The following PIEZO1 variants were observed in gnomAD, a reference collection of about 807,000 sequenced individuals.
PIEZO1 encodes piezo type mechanosensitive ion channel component 1 (Er blood group), also known as piezo-type mechanosensitive ion channel component 1.
PIEZO1 carries 296 observed loss-of-function variants against 297.2 expected under a neutral mutation model. The observed-to-expected ratio is 1.00, with a 90% CI of 0.91 to 1.10. The LOEUF (loss-of-function observed/expected upper bound fraction) is 1.10, where lower values mean the gene tolerates loss of function less well. Among genes scored for constraint, PIEZO1 ranks in the 50% least tolerant of loss-of-function variants. The pLI is 0.00. For missense variants in PIEZO1, 5,018 were observed against 3,455.5 expected (o/e 1.45, Z -11.34); for synonymous variants, 2,427 against 1,507.5 (o/e 1.61, Z -14.13).
rs899152364 is a variant in PIEZO1 at position 88,732,374 on chromosome 16, C to T, written c.2952G>A (p.Lys984=). ...QLDQDLLGCL[K]YFINFFFYKF... Reference sequence around the variant, plus strand: ...TGTAGAAGAAGAAGTTGATGAAGTACTTGAGGCAGCCGAGCAGATCCTGGT... The same window carrying T: ...TGTAGAAGAAGAAGTTGATGAAGTATTTGAGGCAGCCGAGCAGATCCTGGT... The change falls in exon 21 of 51, where the codon AAG becomes AAA. Residue 984 remains lysine (K), a synonymous_variant. Coordinates refer to ENST00000301015, the MANE Select transcript of PIEZO1 (RefSeq NM_001142864.4). 30 of 1,549,652 alleles carry T rather than the reference C, an allele frequency of 1.9e-5. No individual in the cohort carries two copies. The highest frequency in any genetic ancestry group is 9.6e-5 in the African/African-American group (7 of 73,026).
At chr16:88,775,263 G>C (rs1907605460) in intron 1 of PIEZO1, among the ~76,000 whole-genome samples, 1 of 152,244 alleles carries the variant, frequency 6.6e-6, no homozygotes, top group Admixed American at 6.5e-5. Flanking sequence ...ACAGGACACA[G>C]AGGATGCCGG....
At chr16:88,723,457 C>G (rs972322735) in intron 31 of PIEZO1, 129 bp from the exon 32 acceptor site, 140 of 1,082,606 alleles carry the variant, frequency 1.3e-4, no homozygotes, top group Non-Finnish European at 2.5e-5. Context: ...CTCCGTGTCC[C>G]TGAGCCCCTC....
Position 88,735,251 on chromosome 16 carries a change from G to A in PIEZO1, c.1558-5C>T. 1 of 1,543,958 alleles carries A rather than the reference G, an allele frequency of 6.5e-7. No homozygotes were observed. Among genetic ancestry groups the A allele is most frequent in the East Asian group, 2.4e-5 (1 of 40,876 alleles). ...GAAGGTCAGGGTGTAGAGCAACTGT[G>A]ACAAGCGCAGGGTGTCACAGTCAGC... On this transcript the variant is annotated splice_polypyrimidine_tract_variant and splice_region_variant and intron_variant, in intron 12 of 50. Transcript: ENST00000301015.
intron 1 of PIEZO1, among the ~76,000 whole-genome samples, chr16:88,755,325 G>T (rs917384769): frequency 6.6e-6 from 1 of 152,244 alleles, no homozygotes; most frequent in Non-Finnish European, 1.5e-5. Flanking sequence ...CTGGCTGGTT[G>T]ATGCATCATC....
intron 1 of PIEZO1, among the ~76,000 whole-genome samples, chr16:88,753,861 G>T (rs1446659246): frequency 6.6e-6 from 1 of 152,236 alleles, no homozygotes; most frequent in Non-Finnish European, 1.5e-5. Context: ...CTCAGGGCAG[G>T]TCGGAAGCTT....
At chr16:88,718,600 T>C (rs1160454107) in intron 44 of PIEZO1, 1 of 152,272 alleles carries the variant, frequency 6.6e-6, no homozygotes, top group Non-Finnish European at 1.5e-5. Context: ...TGAGCCTGTT[T>C]TCATGAAATA....
intron 1 of PIEZO1, among the ~76,000 whole-genome samples, chr16:88,774,174 G>T (rs531392607): frequency 6.6e-6 from 1 of 152,330 alleles, no homozygotes; most frequent in Non-Finnish European, 1.5e-5. Context: ...CTCTGCCTGG[G>T]CCCCCTTCCC....
rs370551429 is a variant in PIEZO1 at position 88,737,783 on chromosome 16, C to G, written c.1052G>C (p.Arg351Pro). 12 of 1,535,804 alleles carry G rather than the reference C, an allele frequency of 7.8e-6. No individual in the cohort carries two copies. The South Asian group carries it at 1.3e-4, about 17-fold the overall frequency. The change falls in exon 9 of 51, where the codon CGG becomes CCG. Residue 351 changes from arginine (R) to proline (P), a missense_variant. Arg to Pro is a moderately radical substitution (Grantham distance 103). Coordinates refer to ENST00000301015, the MANE Select transcript of PIEZO1 (RefSeq NM_001142864.4). ...RKEAAKGYEA[R>P]ELELAELDQW... ...GTCCAGCTCTGCTAGCTCCAGCTCC[C>G]GAGCCTCATACCCCTTTGCCGCCTC...
At chr16:88,731,566 G>A (rs1248183137) in intron 22 of PIEZO1, 140 bp downstream of exon 22, 1 of 644,720 alleles carries the variant, frequency 1.6e-6, no homozygotes, top group Admixed American at 2.8e-5. Context: ...TGGGTAGGAT[G>A]TGGAGCAGAG....
chr16:88,726,105 A>G (rs1467419598), intron 27 of PIEZO1, 179 bp downstream of exon 27: 1 of 609,422 alleles, frequency 1.6e-6, no homozygotes, highest in African/African-American at 1.8e-5. Flanking sequence ...GCACTGGGGC[A>G]GAGTGTGATG....
chr16:88,751,473 G>C (rs145641525), intron 1 of PIEZO1, among the ~76,000 whole-genome samples: 1 of 152,174 alleles, frequency 6.6e-6, no homozygotes, highest in African/African-American at 2.4e-5. Flanking sequence ...GGCTCAAGGC[G>C]GCCTCGGCTT....
In PIEZO1 at chr16:88,720,638, G is replaced by T. The variant is rs963285215; in HGVS notation, c.5779C>A (p.Leu1927Met). The T allele has an allele frequency of 3.9e-6, 6 of 1,546,246 alleles. No homozygotes were observed. The African/African-American group carries it at 5.5e-5, about 14-fold the overall frequency. ...CACAGGGACAGGCAGAAGCCCTGCA[G>T]CCGCCGCCCGGCCGCCCTTACTCTT... ...GGRVRAAGRR[L>M]QGFCLSLAQG... Residue 1927 changes from leucine to methionine, a missense_variant, in exon 40 of 51, where the codon CTG becomes ATG. Physicochemically the swap from Leu to Met is conservative, Grantham distance 15. Transcript: ENST00000301015.
At chr16:88,775,430 TA>T (rs1482322878) in intron 1 of PIEZO1, among the ~76,000 whole-genome samples, 3 of 152,144 alleles carry the variant, frequency 2.0e-5, no homozygotes, top group African/African-American at 7.2e-5. Flanking sequence ...TGCCTGCTCT[TA>T]AAAACACATG....
At chr16:88,753,360 C>T (rs1180121221) in intron 1 of PIEZO1, among the ~76,000 whole-genome samples, 1 of 149,060 alleles carries the variant, frequency 6.7e-6, no homozygotes, top group Admixed American at 6.7e-5. Flanking sequence ...ACCCACTCAC[C>T]CAAGGACGGG....
At chr16:88,760,038 C>T (rs1038717850) in intron 1 of PIEZO1, among the ~76,000 whole-genome samples, 2 of 141,962 alleles carry the variant, frequency 1.4e-5, no homozygotes, top group South Asian at 4.3e-4. Flanking sequence ...CCCCACCTGC[C>T]CCTCAAAGGC....
At chr16:88,744,845 C>T (rs1056972259) in intron 2 of PIEZO1, among the ~76,000 whole-genome samples, 16 of 151,952 alleles carry the variant, frequency 1.1e-4, no homozygotes, top group African/African-American at 3.1e-4. Context: ...GCTGAGAGTC[C>T]GAGGGGCACC....
intron 16 of PIEZO1, 74 bp from the exon 17 acceptor site, chr16:88,734,128 T>G: frequency 6.9e-7 from 1 of 1,447,500 alleles, no homozygotes; most frequent in Non-Finnish European, 9.2e-7. Context: ...GAAGAAGCCC[T>G]GTCGGCACCG....
rs778813372 is a variant in PIEZO1, at chr16:88,726,377, A to C, written c.3875T>G (p.Phe1292Cys). ...GCGGCGCTGCAGCAGCAGGAAGAAG[A>C]AGCAGACGCTGTCCCAGATGATGCC... ...EAGIIWDSVC[F>C]FFLLLQRRVF... Residue 1292 changes from phenylalanine to cysteine, a missense_variant, in exon 27 of 51, where the codon TTC becomes TGC. Phe to Cys is a radical substitution (Grantham distance 205, BLOSUM62 -2). Coordinates refer to ENST00000301015, the MANE Select transcript of PIEZO1 (RefSeq NM_001142864.4). The C allele has an allele frequency of 7.0e-5, 109 of 1,550,306 alleles. No individual in the cohort carries two copies. Among genetic ancestry groups the C allele is most frequent in the East Asian group, 9.8e-5 (4 of 40,928 alleles).
rs376165646 is a variant in PIEZO1 at position 88,726,816 on chromosome 16, C to T, written c.3598G>A (p.Gly1200Ser). ...GTGTCCCTCTGCAGCAGGGCCGTGC[C>T]GAAGAGCAGCAGGTAGAAGCAGGCC... Reference protein sequence around the residue: ...LLACFYLLLFGTALLQRDTRA... With the variant: ...LLACFYLLLFSTALLQRDTRA... Residue 1200 changes from glycine to serine, a missense_variant, in exon 25 of 51, where the codon GGC becomes AGC. By Grantham distance (56) the Gly-to-Ser change is moderately conservative. Coordinates refer to ENST00000301015, the MANE Select transcript of PIEZO1 (RefSeq NM_001142864.4). The T allele has an allele frequency of 5.8e-5, 90 of 1,550,278 alleles. No individual in the cohort carries two copies. Among genetic ancestry groups the T allele is most frequent in the East Asian group, 3.7e-4 (15 of 40,906 alleles).
Sources: gnomAD v4.1 joint callset for allele counts (sites outside exome capture counted in the v4.1 genomes callset) on GRCh38, gnomAD v4.1.1 for gene constraint, MANE v1.5 for transcripts, NCBI Gene and HGNC (gene_info 2026-07-23, HGNC 2026-07-21) for gene names.